Variants in IL1RAPL1 observed in about 807,000 individuals in gnomAD.
IL1RAPL1 encodes interleukin-1 receptor accessory protein-like 1.
A neutral mutation model predicts 48.4 loss-of-function variants in IL1RAPL1; 3 were observed. The ratio of observed to expected loss-of-function variants is 0.06; its 90% CI spans 0.03 to 0.16. The LOEUF (loss-of-function observed/expected upper bound fraction) is 0.16, where lower values mean the gene tolerates loss of function less well. IL1RAPL1 is among the 10% of genes least tolerant of loss of function. The pLI is 1.00. For missense variants in IL1RAPL1, 349 were observed against 530.6 expected (o/e 0.66, Z 3.36); for synonymous variants, 185 against 187.7 (o/e 0.99, Z 0.12).
At chrX:28,940,460 CA>C (rs1255086628) in intron 2 of IL1RAPL1, among the ~76,000 whole-genome samples, 1 of 110,757 alleles carries the variant, frequency 9.0e-6, no homozygotes, top group Non-Finnish European at 1.9e-5. Flanking sequence ...CTGTTCTTTT[CA>C]GAAGCGTTCC....
intron 5 of IL1RAPL1, among the ~76,000 whole-genome samples, chrX:29,623,975 A>G (rs776265601): frequency 8.9e-6 from 1 of 112,003 alleles, no homozygotes; most frequent in African/African-American, 3.2e-5. Flanking sequence ...GTCAATAAGA[A>G]TACTGACAAA....
chrX:28,617,567 A>G (rs1934235905), intron 1 of IL1RAPL1, among the ~76,000 whole-genome samples: 1 of 111,962 alleles, frequency 8.9e-6, no homozygotes, highest in Non-Finnish European at 1.9e-5. Context: ...AGGCTAGCTC[A>G]TAGAGCATGC....
chrX:29,605,071 AACACACACACACACAC>A (rs757087732), intron 5 of IL1RAPL1, among the ~76,000 whole-genome samples: 882 of 65,049 alleles, frequency 0.014, 21 homozygotes, highest in African/African-American at 0.045. Context: ...CTAAGTCTTA[AACACACACACACACAC>A]ACACACACAC....
At chrX:29,140,477 G>GA (rs1469032922) in intron 2 of IL1RAPL1, among the ~76,000 whole-genome samples, 2 of 111,821 alleles carry the variant, frequency 1.8e-5, no homozygotes, top group Non-Finnish European at 3.8e-5. Flanking sequence ...AACCAATATA[G>GA]ATGCATCCAC....
intron 5 of IL1RAPL1, among the ~76,000 whole-genome samples, chrX:29,509,679 G>A (rs190945930): frequency 2.1e-4 from 22 of 106,802 alleles, no homozygotes; most frequent in East Asian, 5.6e-4. Flanking sequence ...ACACGCATGC[G>A]CCCACACGCA....
intron 5 of IL1RAPL1, among the ~76,000 whole-genome samples, chrX:29,584,763 C>T (rs958617881): frequency 1.3e-4 from 15 of 111,210 alleles, no homozygotes; most frequent in African/African-American, 3.6e-4. Context: ...CTATGTTGCC[C>T]GGTCTAGTCT....
chrX:29,570,421 G>A (rs920458380), intron 5 of IL1RAPL1, among the ~76,000 whole-genome samples: 2 of 112,189 alleles, frequency 1.8e-5, no homozygotes, highest in Admixed American at 9.4e-5. Context: ...ATGTGAAAAC[G>A]AAACAGTTTA....
intron 3 of IL1RAPL1, among the ~76,000 whole-genome samples, chrX:29,323,713 TTATATATATATATATATA>T (rs1172683563): frequency 6.4e-4 from 7 of 10,954 alleles, no homozygotes; most frequent in Non-Finnish European, 9.8e-4. Context: ...ACTGAATTTT[TTATATATATATATATATA>T]TATATATATA....
intron 1 of IL1RAPL1, among the ~76,000 whole-genome samples, chrX:28,782,940 A>G (rs1369914245): frequency 3.6e-5 from 4 of 111,099 alleles, no homozygotes; most frequent in African/African-American, 1.3e-4. Context: ...TTTTCTTAAT[A>G]GATTAGAGGG....
intron 2 of IL1RAPL1, among the ~76,000 whole-genome samples, chrX:28,958,096 C>A (rs1046705292): frequency 1.2e-4 from 13 of 111,508 alleles, no homozygotes; most frequent in African/African-American, 3.9e-4. Flanking sequence ...TCATATGCGT[C>A]ACCTCACATA....
At chrX:29,778,974 A>T (rs892625695) in intron 6 of IL1RAPL1, among the ~76,000 whole-genome samples, 1 of 111,405 alleles carries the variant, frequency 9.0e-6, no homozygotes, top group African/African-American at 3.3e-5. Flanking sequence ...TTAAAATGCA[A>T]ATTTGTATTT....
intron 1 of IL1RAPL1, among the ~76,000 whole-genome samples, chrX:28,597,379 C>A (rs1933966766): frequency 9.0e-6 from 1 of 111,526 alleles, no homozygotes; most frequent in Non-Finnish European, 1.9e-5. Flanking sequence ...CATGTAGAAC[C>A]CCAGGCCTCA....
intron 1 of IL1RAPL1, among the ~76,000 whole-genome samples, chrX:28,710,227 G>A (rs1453620891): frequency 3.6e-5 from 4 of 110,805 alleles, no homozygotes; most frequent in Admixed American, 9.7e-5. Flanking sequence ...ACTTCTTGGA[G>A]CTTACATTCT....
intron 1 of IL1RAPL1, among the ~76,000 whole-genome samples, chrX:28,615,747 A>C (rs990755180): frequency 9.0e-6 from 1 of 110,874 alleles, no homozygotes; most frequent in East Asian, 2.9e-4. Flanking sequence ...CGTCTTCTAC[A>C]TTTGGAACAT....
rs1321002477 is a variant in IL1RAPL1 at position 29,562,111 on chromosome X, ATCTAATCTATCTATCT to A, written c.704-106318_704-106303del. 3.2e-3 allele frequency among the ~76,000 whole-genome samples: 196 copies of A among 60,647 alleles called. 1 individual carries two copies. Among genetic ancestry groups the A allele is most frequent in the Middle Eastern group, 0.017 (2 of 117 alleles). The allele number at this position is 60,647 out of a possible 115,157, so 52.7% of individuals were successfully genotyped here. A position where few individuals can be genotyped will look rare whatever the true frequency, so the allele number is the denominator to read the frequency against. The stretch of plus-strand genomic sequence containing the variant: ...TATCTGTCTATCTATCTATCTATCT[ATCTAATCTATCTATCT>A]ATCTATCTATCTATCTATCTATCTA... On this transcript the variant is annotated intron_variant, in intron 5 of 10. Coordinates refer to ENST00000378993, the MANE Select transcript of IL1RAPL1 (RefSeq NM_014271.4).
At chrX:29,627,900 A>ATT (rs1924661711) in intron 5 of IL1RAPL1, among the ~76,000 whole-genome samples, 1 of 112,114 alleles carries the variant, frequency 8.9e-6, no homozygotes, top group African/African-American at 3.2e-5. Flanking sequence ...TATTCTAATA[A>ATT]ATGGTGTCAA....
At chrX:29,920,789 T>G (rs1932839096) in intron 8 of IL1RAPL1, among the ~76,000 whole-genome samples, 1 of 64,238 alleles carries the variant, frequency 1.6e-5, no homozygotes, top group Non-Finnish European at 2.6e-5. Context: ...AGTGAGACCC[T>G]GTCTCAAAAA....
intron 6 of IL1RAPL1, among the ~76,000 whole-genome samples, chrX:29,873,488 C>T (rs1280603860): frequency 1.8e-5 from 2 of 109,223 alleles, no homozygotes; most frequent in Non-Finnish European, 3.8e-5. Flanking sequence ...TTGATGCCTG[C>T]GTAAAAGAGG....
chrX:29,401,246 A>G (rs60759560), intron 5 of IL1RAPL1, among the ~76,000 whole-genome samples: 13,249 of 111,433 alleles, frequency 0.12, 995 homozygotes, highest in African/African-American at 0.28. Context: ...ACTTATTATC[A>G]TAAATACTTA....
Sources: allele counts gnomAD v4.1 joint callset (sites outside exome capture counted in the v4.1 genomes callset), GRCh38; gene constraint gnomAD v4.1.1; transcripts MANE v1.5; gene names NCBI Gene and HGNC (gene_info 2026-07-23, HGNC 2026-07-21).